Variants in CIMIP2C observed in about 807,000 individuals in gnomAD.
CIMIP2C encodes ciliary microtubule inner protein 2C.
the CIMIP2C span, among the ~76,000 whole-genome samples, chr2:26,571,160 A>G: frequency 1.3e-4 from 20 of 152,258 alleles, no homozygotes; most frequent in Non-Finnish European, 2.4e-4. Flanking sequence ...TGTCATTGAC[A>G]TACGGGACAT....
At chr2:26,568,861 A>G in the CIMIP2C span, among the ~76,000 whole-genome samples, 25 of 152,150 alleles carry the variant, frequency 1.6e-4, no homozygotes, top group African/African-American at 5.8e-4. Context: ...TCTCTACTAA[A>G]TGTACAAAAA....
At chr2:26,577,610 AC>A in the CIMIP2C span, 3 of 1,613,296 alleles carry the variant, frequency 1.9e-6, no homozygotes, top group Non-Finnish European at 2.5e-6. Context: ...CCGGAACGGT[AC>A]CCCCTCCCCA....
the CIMIP2C span, among the ~76,000 whole-genome samples, chr2:26,577,184 G>A: frequency 2.6e-5 from 4 of 152,344 alleles, no homozygotes; most frequent in Admixed American, 2.6e-4. Context: ...AGGCGGACAT[G>A]GTGCCTGTGT....
At chr2:26,576,136 G>A in the CIMIP2C span, 2 of 1,614,082 alleles carry the variant, frequency 1.2e-6, no homozygotes, top group South Asian at 2.2e-5. Flanking sequence ...GCTTCAACCT[G>A]GACAGCCATC....
the CIMIP2C span, chr2:26,572,217 T>C: frequency 2.1e-6 from 3 of 1,458,048 alleles, no homozygotes; most frequent in East Asian, 2.6e-5. Flanking sequence ...AGTTTTACTT[T>C]GACAGGTTTT....
chr2:26,567,117 A>G, the CIMIP2C span, among the ~76,000 whole-genome samples: 2 of 152,248 alleles, frequency 1.3e-5, no homozygotes, highest in African/African-American at 2.4e-5. Context: ...CTTTGAAGCC[A>G]GTAGGCACTG....
the CIMIP2C span, chr2:26,576,059 C>G: frequency 0.023 from 37,827 of 1,614,216 alleles, 548 homozygotes; most frequent in Non-Finnish European, 0.028. Context: ...CTCCACCAAC[C>G]CCAACCTCCT....
chr2:26,577,591 G>A, the CIMIP2C span: 34 of 1,613,924 alleles, frequency 2.1e-5, 1 homozygote, highest in Middle Eastern at 1.6e-4. Flanking sequence ...TGCGATGCCC[G>A]TGAGGGAGCC....
chr2:26,578,507 G>T, the CIMIP2C span: 1 of 256,960 alleles, frequency 3.9e-6, no homozygotes, highest in East Asian at 1.0e-4. Context: ...AAAAGGGAAC[G>T]TGAGGCTCAT....
chr2:26,571,106 C>A, the CIMIP2C span, among the ~76,000 whole-genome samples: 2 of 148,478 alleles, frequency 1.3e-5, no homozygotes, highest in Non-Finnish European at 3.0e-5. Flanking sequence ...CATGTGGATC[C>A]ATTGCCAGAA....
At chr2:26,576,954 C>T in the CIMIP2C span, among the ~76,000 whole-genome samples, 2 of 152,226 alleles carry the variant, frequency 1.3e-5, no homozygotes, top group African/African-American at 4.8e-5. Flanking sequence ...CAAGCCTCCC[C>T]CTCTAGCCTG....
At chr2:26,571,393 A>C in the CIMIP2C span, among the ~76,000 whole-genome samples, 1 of 152,030 alleles carries the variant, frequency 6.6e-6, no homozygotes, top group Non-Finnish European at 1.5e-5. Flanking sequence ...TAGCACTAGA[A>C]CCTTGACCAT....
the CIMIP2C span, chr2:26,562,685 G>A: frequency 1.3e-6 from 2 of 1,568,634 alleles, no homozygotes; most frequent in South Asian, 2.3e-5. Context: ...ACTCATGCCC[G>A]GGTAAGGCCG....
the CIMIP2C span, chr2:26,579,040 C>A: frequency 3.6e-6 from 2 of 553,476 alleles, no homozygotes; most frequent in African/African-American, 3.7e-5. Flanking sequence ...AATATGCACA[C>A]TTCTAGCAGG....
the CIMIP2C span, chr2:26,572,179 C>T: frequency 6.6e-7 from 1 of 1,511,518 alleles, no homozygotes; most frequent in South Asian, 1.3e-5. Flanking sequence ...TCCCCTCCAC[C>T]CACCCCCCAA....
chr2:26,571,490 G>A, the CIMIP2C span, among the ~76,000 whole-genome samples: 2 of 152,234 alleles, frequency 1.3e-5, no homozygotes, highest in Admixed American at 6.5e-5. Flanking sequence ...TAAACACCGA[G>A]TGAGGATTGG....
the CIMIP2C span, among the ~76,000 whole-genome samples, chr2:26,576,538 G>A: frequency 2.8e-4 from 43 of 152,170 alleles, 1 homozygote; most frequent in Admixed American, 2.6e-3. Flanking sequence ...TTGTAGGTGA[G>A]TATAAGGTCT....
At chr2:26,573,814 C>T in the CIMIP2C span, among the ~76,000 whole-genome samples, 4 of 152,184 alleles carry the variant, frequency 2.6e-5, no homozygotes, top group African/African-American at 7.2e-5. Flanking sequence ...GGTGGAGCCT[C>T]TCCCCTCTGC....
chr2:26,573,239 C>T, the CIMIP2C span, among the ~76,000 whole-genome samples: 2 of 152,006 alleles, frequency 1.3e-5, no homozygotes, highest in Admixed American at 1.3e-4. Flanking sequence ...CCTTAGTGAG[C>T]TCCAGAAGGA....
Sources: gnomAD v4.1 joint callset for allele counts (sites outside exome capture counted in the v4.1 genomes callset) on GRCh38, gnomAD v4.1.1 for gene constraint, MANE v1.5 for transcripts, NCBI Gene and HGNC (gene_info 2026-07-23, HGNC 2026-07-21) for gene names.